The following RBMS3 variants were observed in gnomAD, a reference collection of about 807,000 sequenced individuals.
RBMS3 encodes the protein RNA binding motif single stranded interacting protein 3.
Under a neutral mutation model 66.8 loss-of-function variants are expected in RBMS3, and 27 were observed. That is an observed-to-expected ratio of 0.40 (90% CI 0.30 to 0.56). RBMS3 has a LOEUF of 0.56. Ranked by LOEUF, RBMS3 falls within the 20% of genes least tolerant of loss-of-function variation. The pLI is 0.40. For missense variants in RBMS3, 513 were observed against 549.5 expected (o/e 0.93, Z 0.66); for synonymous variants, 188 against 183.0 (o/e 1.03, Z -0.22).
intron 4 of RBMS3, among the ~76,000 whole-genome samples, chr3:29,736,990 T>A (rs947885984): frequency 7.9e-5 from 12 of 152,176 alleles, no homozygotes; most frequent in African/African-American, 2.9e-4. Context: ...CAAAGTGTTT[T>A]TTTTTTGAGA....
chr3:29,625,311 C>A (rs902039736), intron 4 of RBMS3, among the ~76,000 whole-genome samples: 1 of 152,084 alleles, frequency 6.6e-6, no homozygotes, highest in Non-Finnish European at 1.5e-5. Context: ...TTTTATATTT[C>A]TGTGGCATTT....
At chr3:29,570,008 G>A (rs1251689176) in intron 3 of RBMS3, among the ~76,000 whole-genome samples, 1 of 152,006 alleles carries the variant, frequency 6.6e-6, no homozygotes, top group African/African-American at 2.4e-5. Context: ...TGTTAAAATT[G>A]TATGTATAAT....
chr3:29,337,328 C>A lies in RBMS3; in HGVS notation c.75+55572C>A, dbSNP rs573556087. Among the ~76,000 whole-genome samples the A allele has an allele frequency of 5.9e-5, 9 of 151,958 alleles. No homozygotes were observed. The East Asian group carries it at 7.7e-4, about 13-fold the overall frequency. ...GTACTAAAATAGTACCTATATGGCC[C>A]TAGTAATCTGTAAGATTTAGGAATA... On this transcript the variant is annotated intron_variant, in intron 1 of 14. Coordinates refer to ENST00000383767, the MANE Select transcript of RBMS3 (RefSeq NM_001003793.3).
At chr3:29,915,443 C>T (rs1476085048) in intron 10 of RBMS3, among the ~76,000 whole-genome samples, 1 of 151,744 alleles carries the variant, frequency 6.6e-6, no homozygotes, top group African/African-American at 2.4e-5. Flanking sequence ...TTTTCCATGC[C>T]CTGAATATGT....
At chr3:29,989,158 A>G (rs1698651614) in intron 13 of RBMS3, among the ~76,000 whole-genome samples, 1 of 152,206 alleles carries the variant, frequency 6.6e-6, no homozygotes, top group African/African-American at 2.4e-5. Context: ...TTATTGCTGT[A>G]GATATCATGA....
At chr3:29,645,297 C>T (rs1211510696) in intron 4 of RBMS3, among the ~76,000 whole-genome samples, 1 of 152,174 alleles carries the variant, frequency 6.6e-6, no homozygotes, top group Non-Finnish European at 1.5e-5. Flanking sequence ...AATCGGTATA[C>T]ATTGTTGATT....
rs371615891 is a variant in RBMS3 at position 29,294,386 on chromosome 3, A to G, written c.75+12630A>G. ...TTGGCTTGAGTTGGGTTACATTCCT[A>G]ACTAATGGGAAAAACCATAAAACAC... On this transcript the variant is annotated intron_variant, in intron 1 of 14. Coordinates refer to ENST00000383767, the MANE Select transcript of RBMS3 (RefSeq NM_001003793.3). Among the ~76,000 whole-genome samples the G allele has an allele frequency of 4.6e-5, 7 of 151,848 alleles. No homozygotes were observed. The East Asian group carries it at 9.7e-4, about 21-fold the overall frequency.
At chr3:29,412,755 T>A (rs1323250595) in intron 1 of RBMS3, among the ~76,000 whole-genome samples, 2 of 152,170 alleles carry the variant, frequency 1.3e-5, no homozygotes, top group African/African-American at 2.4e-5. Flanking sequence ...GACAAAATGT[T>A]TATCACCAGC....
intron 1 of RBMS3, among the ~76,000 whole-genome samples, chr3:29,394,157 G>A (rs962239795): frequency 6.6e-6 from 1 of 152,190 alleles, no homozygotes; most frequent in Non-Finnish European, 1.5e-5. Context: ...TCTCAGAGCA[G>A]CCATTTAGAG....
chr3:29,668,179 A>G (rs1216039011), intron 4 of RBMS3, among the ~76,000 whole-genome samples: 2 of 152,240 alleles, frequency 1.3e-5, no homozygotes, highest in African/African-American at 4.8e-5. Context: ...GTTTACAAAA[A>G]TGTTAGGACT....
At chr3:29,496,453 T>G (rs193136206) in intron 3 of RBMS3, among the ~76,000 whole-genome samples, 1 of 152,320 alleles carries the variant, frequency 6.6e-6, no homozygotes, top group African/African-American at 2.4e-5. Flanking sequence ...CTTTGGAACC[T>G]TCATTAGTGC....
At chr3:29,298,311 G>A (rs935408827) in intron 1 of RBMS3, among the ~76,000 whole-genome samples, 9 of 151,836 alleles carry the variant, frequency 5.9e-5, no homozygotes, top group African/African-American at 1.9e-4. Flanking sequence ...TCTCAGAATG[G>A]AGAATCCTCC....
intron 1 of RBMS3, among the ~76,000 whole-genome samples, chr3:29,282,838 T>C (rs907458115): frequency 6.6e-6 from 1 of 152,176 alleles, no homozygotes; most frequent in Non-Finnish European, 1.5e-5. Context: ...TGTAGTTATC[T>C]GTCATTTATT....
intron 10 of RBMS3, among the ~76,000 whole-genome samples, chr3:29,908,751 C>T (rs898435281): frequency 1.3e-5 from 2 of 151,876 alleles, no homozygotes; most frequent in East Asian, 1.9e-4. Flanking sequence ...TCTTGAGCAT[C>T]AAATATGTGC....
In RBMS3 at chr3:29,586,012, G is replaced by T. The variant is rs369541784; in HGVS notation, c.308-1102G>T. ...CCTTGCACTCTTCTTTGGTTATTTT[G>T]GGGTGAGAGGAGGTGTCACAGTACA... On this transcript the variant is annotated intron_variant, in intron 3 of 14. Transcript: ENST00000383767. Among the ~76,000 whole-genome samples the T allele has an allele frequency of 4.6e-5, 7 of 152,150 alleles. No individual in the cohort carries two copies. The East Asian group carries it at 7.8e-4, about 17-fold the overall frequency.
At chr3:29,807,330 C>T (rs1057212841) in intron 6 of RBMS3, among the ~76,000 whole-genome samples, 3 of 151,854 alleles carry the variant, frequency 2.0e-5, no homozygotes, top group African/African-American at 7.2e-5. Flanking sequence ...AGCAGAAATT[C>T]TCATACATTA....
chr3:29,958,583 A>G (rs1038228851), intron 12 of RBMS3, among the ~76,000 whole-genome samples: 3 of 152,044 alleles, frequency 2.0e-5, no homozygotes, highest in Admixed American at 6.6e-5. Flanking sequence ...TCTAAACTCA[A>G]TTGAATTATA....
At chr3:29,683,239 T>C (rs2051572733) in intron 4 of RBMS3, among the ~76,000 whole-genome samples, 1 of 152,188 alleles carries the variant, frequency 6.6e-6, no homozygotes, top group African/African-American at 2.4e-5. Flanking sequence ...TTGCTCAAGA[T>C]CATTTTCAAT....
chr3:29,308,610 A>T (rs2034164598), intron 1 of RBMS3, among the ~76,000 whole-genome samples: 1 of 151,694 alleles, frequency 6.6e-6, no homozygotes, highest in Non-Finnish European at 1.5e-5. Context: ...AATTTCATGG[A>T]GGATGTGCGA....
Sources: gnomAD v4.1 joint callset for allele counts (sites outside exome capture counted in the v4.1 genomes callset) on GRCh38, gnomAD v4.1.1 for gene constraint, MANE v1.5 for transcripts, NCBI Gene and HGNC (gene_info 2026-07-23, HGNC 2026-07-21) for gene names.